MAOA: variants seen among roughly 807,000 people sequenced by gnomAD.
MAOA encodes the protein amine oxidase [flavin-containing] A.
A neutral mutation model predicts 42.0 loss-of-function variants in MAOA; 6 were observed. That is an observed-to-expected ratio of 0.14 (90% confidence interval 0.08 to 0.28). The LOEUF (loss-of-function observed/expected upper bound fraction) is 0.28. Ranked by LOEUF, MAOA falls within the 10% of genes least tolerant of loss-of-function variation. The probability of loss-of-function intolerance (pLI) is 1.00; values close to 1 mark genes in which losing one functional copy is unlikely to be tolerated. For synonymous variants in MAOA, 140 were observed against 154.0 expected (o/e 0.91, Z 0.67); for missense variants, 262 against 422.3 (o/e 0.62, Z 3.33).
At chrX:43,702,499 T>A (rs1416225644) in intron 3 of MAOA, among the ~76,000 whole-genome samples, 2 of 112,110 alleles carry the variant, frequency 1.8e-5, no homozygotes, top group African/African-American at 6.5e-5. Flanking sequence ...TATTTGACAG[T>A]CCAGTACTAT....
At chrX:43,714,836 T>TTC (rs778249438) in intron 5 of MAOA, among the ~76,000 whole-genome samples, 2 of 108,594 alleles carry the variant, frequency 1.8e-5, no homozygotes, top group Admixed American at 9.8e-5. Flanking sequence ...TTCCAGCTAT[T>TTC]TCTCTCTCTC....
chrX:43,735,361 A>G (rs1865018881), intron 9 of MAOA, among the ~76,000 whole-genome samples: 1 of 112,611 alleles, frequency 8.9e-6, no homozygotes, highest in Admixed American at 9.4e-5. Flanking sequence ...TAAGGACTTC[A>G]TGTCACAATT....
chrX:43,688,061 CAA>C (rs2033501631), intron 2 of MAOA, among the ~76,000 whole-genome samples: 1 of 111,962 alleles, frequency 8.9e-6, no homozygotes, highest in Non-Finnish European at 1.9e-5. Context: ...TTTCCCTGCT[CAA>C]GACCTTCCAA....
intron 1 of MAOA, among the ~76,000 whole-genome samples, chrX:43,677,181 C>A (rs1193881769): frequency 9.0e-6 from 1 of 111,658 alleles, no homozygotes; most frequent in African/African-American, 3.3e-5. Flanking sequence ...GAGATTTATG[C>A]CCTGGGAAGC....
intron 12 of MAOA, 79 bp from the exon 13 acceptor site, chrX:43,743,715 T>C: frequency 9.5e-7 from 1 of 1,058,056 alleles, no homozygotes. Context: ...TTCTGCAGAC[T>C]AAATGAGGGC....
At chrX:43,730,804 C>T (rs1455330523) in intron 6 of MAOA, among the ~76,000 whole-genome samples, 1 of 110,790 alleles carries the variant, frequency 9.0e-6, no homozygotes, top group African/African-American at 3.3e-5. Flanking sequence ...CTATCTGCAT[C>T]CTTACCTGCC....
chrX:43,732,109 C>A (rs1490614009), intron 8 of MAOA, among the ~76,000 whole-genome samples: 2 of 111,444 alleles, frequency 1.8e-5, no homozygotes, highest in African/African-American at 6.5e-5. Flanking sequence ...TGGCATCTGT[C>A]CTGCTTCTTA....
Position 43,658,819 on chromosome X carries a change from C to T in MAOA, c.73+2405C>T, listed in dbSNP as rs12556694. Among the ~76,000 whole-genome samples, 796 of 111,696 alleles carry T rather than the reference C, an allele frequency of 7.1e-3. 21 individuals are homozygous for T. Among genetic ancestry groups the T allele is most frequent in the Admixed American group, 0.055 (572 of 10,478 alleles). ...AATGAAAGTAGTTGCAAGTGTGGCT[C>T]GTGTTAGATCCTGGACATAAACTGA... On this transcript the variant is annotated intron_variant, in intron 1 of 14. Coordinates refer to ENST00000338702, the MANE Select transcript of MAOA (RefSeq NM_000240.4).
At chrX:43,744,270 C>A in intron 14 of MAOA, 97 bp from the exon 15 acceptor site, 1 of 1,119,730 alleles carries the variant, frequency 8.9e-7, no homozygotes, top group Non-Finnish European at 1.2e-6. Flanking sequence ...ATTATAGATG[C>A]AACTATCCCA....
chrX:43,735,679 G>T (rs752203501), intron 9 of MAOA, among the ~76,000 whole-genome samples: 2 of 112,718 alleles, frequency 1.8e-5, no homozygotes, highest in South Asian at 7.2e-4. Flanking sequence ...CTTCAGAGTT[G>T]TCTTCAACCG....
chrX:43,674,470 T>A (rs2033371356), intron 1 of MAOA, among the ~76,000 whole-genome samples: 1 of 110,427 alleles, frequency 9.1e-6, no homozygotes, highest in African/African-American at 3.3e-5. Context: ...TTGTTATGTG[T>A]GAATTTGATC....
At chrX:43,728,455 G>A in intron 6 of MAOA, 141 bp downstream of exon 6, 2 of 691,923 alleles carry the variant, frequency 2.9e-6, no homozygotes, top group Admixed American at 3.1e-5. Context: ...AAGATTTTCT[G>A]AAAAAAAAAT....
At chrX:43,703,646 G>A (rs975365479) in intron 3 of MAOA, among the ~76,000 whole-genome samples, 3 of 111,992 alleles carry the variant, frequency 2.7e-5, no homozygotes, top group Non-Finnish European at 5.6e-5. Flanking sequence ...TTTCTCAAGT[G>A]TTTTCTAAGC....
rs781489856 is a variant in MAOA, at chrX:43,743,922, AGGCTC to A, written c.1374+18_1374+22del. 49 of 1,166,749 alleles carry A rather than the reference AGGCTC, an allele frequency of 4.2e-5. No individual in the cohort carries two copies. Among genetic ancestry groups the A allele is most frequent in the Non-Finnish European group, 5.2e-5 (45 of 873,295 alleles). On this transcript the variant is annotated intron_variant, in intron 13 of 14. Transcript: ENST00000338702. ...GCTAGGGAGGTAAGCAGGAAAGCCC[AGGCTC>A]TCTCCCTCCCGAGTCACGGCAACGT...
intron 1 of MAOA, among the ~76,000 whole-genome samples, chrX:43,669,379 C>T: frequency 9.0e-6 from 1 of 110,949 alleles, no homozygotes; most frequent in Non-Finnish European, 1.9e-5. Flanking sequence ...GACCGTACCA[C>T]TGCACTCCAG....
intron 2 of MAOA, among the ~76,000 whole-genome samples, chrX:43,689,054 G>A (rs753084864): frequency 9.1e-6 from 1 of 110,079 alleles, no homozygotes; most frequent in East Asian, 2.8e-4. Context: ...TTAAATTTTA[G>A]ATTCAGGGGG....
intron 1 of MAOA, among the ~76,000 whole-genome samples, chrX:43,667,031 C>A (rs1168956359): frequency 1.8e-5 from 2 of 108,745 alleles, no homozygotes; most frequent in Non-Finnish European, 3.8e-5. Flanking sequence ...AGGAGATATA[C>A]CTAATGTAAA....
chrX:43,734,825 C>T (rs1277018105), intron 9 of MAOA, among the ~76,000 whole-genome samples: 1 of 111,590 alleles, frequency 9.0e-6, no homozygotes, highest in Non-Finnish European at 1.9e-5. Flanking sequence ...CACTAACTGC[C>T]CTTTGGGAAG....
At chrX:43,673,418 GT>G (rs1192352606) in intron 1 of MAOA, among the ~76,000 whole-genome samples, 1,005 of 102,795 alleles carry the variant, frequency 9.8e-3, no homozygotes, top group African/African-American at 0.021. Context: ...TTTTTGAAGG[GT>G]TTTTTTTTTT....
Sources: gnomAD v4.1 joint callset for allele counts (sites outside exome capture counted in the v4.1 genomes callset) on GRCh38, gnomAD v4.1.1 for gene constraint, MANE v1.5 for transcripts, NCBI Gene and HGNC (gene_info 2026-07-23, HGNC 2026-07-21) for gene names.